Variants in UPF2 observed in about 807,000 individuals in gnomAD.
UPF2 encodes UPF2 regulator of nonsense mediated mRNA decay, also known as regulator of nonsense transcripts 2.
In UPF2, 17 loss-of-function variants were observed where a neutral mutation model predicts 141.4. That is an observed-to-expected ratio of 0.12 (90% CI 0.08 to 0.18). UPF2 has a LOEUF of 0.18. Among genes scored for constraint, UPF2 ranks in the 10% least tolerant of loss-of-function variants. The pLI, the probability that UPF2 is intolerant of heterozygous loss-of-function variation, is 1.00. For missense variants in UPF2, 1,152 were observed against 1,515.9 expected (o/e 0.76, Z 3.99); for synonymous variants, 540 against 498.0 (o/e 1.08, Z -1.12).
Position 11,921,789 on chromosome 10 carries a change from G to A in UPF2, c.3810-482C>T, listed in dbSNP as rs941773843. ...AACCAGAGCCATTGGAGCAATGGCT[G>A]GAGGAGTGGCTCTGTTCTCTTCTAC... On this transcript the variant is annotated intron_variant, in intron 21 of 21. Coordinates refer to ENST00000357604, the MANE Select transcript of UPF2 (RefSeq NM_015542.4). This position sits in a 1 kb window ranked among gnomAD's most constrained non-coding sequence, Gnocchi z 5.9. Among the ~76,000 whole-genome samples the A allele has an allele frequency of 4.0e-5, 6 of 148,440 alleles. No individual in the cohort carries two copies. Among genetic ancestry groups the A allele is most frequent in the African/African-American group, 1.5e-4 (6 of 40,920 alleles).
At chr10:11,995,502 T>G (rs761472637) in intron 8 of UPF2, among the ~76,000 whole-genome samples, 4 of 152,034 alleles carry the variant, frequency 2.6e-5, no homozygotes, top group African/African-American at 4.8e-5. Flanking sequence ...AAAAAGAGGT[T>G]TGGCTGGCGC....
chr10:11,967,179 CTATT>C (rs377155748), intron 10 of UPF2, among the ~76,000 whole-genome samples, 158 bp downstream of exon 10: 1 of 152,158 alleles, frequency 6.6e-6, no homozygotes, highest in African/African-American at 2.4e-5. Flanking sequence ...TAAGATCTCA[CTATT>C]TGTTTTGTAT....
chr10:12,025,027 C>T (rs1814509652), intron 3 of UPF2, among the ~76,000 whole-genome samples: 1 of 150,394 alleles, frequency 6.6e-6, no homozygotes, highest in African/African-American at 2.4e-5. Flanking sequence ...TGTACCCTTG[C>T]AGAAGGTAGG....
chr10:11,968,241 G>T (rs1322966676), intron 9 of UPF2, among the ~76,000 whole-genome samples: 4 of 152,058 alleles, frequency 2.6e-5, no homozygotes, highest in Non-Finnish European at 5.9e-5. Context: ...AAATTGCTCT[G>T]TATAACACCA....
intron 3 of UPF2, among the ~76,000 whole-genome samples, chr10:12,027,995 C>A (rs753680354): frequency 1.3e-5 from 2 of 152,176 alleles, no homozygotes; most frequent in Non-Finnish European, 2.9e-5. Flanking sequence ...CCTCAGCCCC[C>A]CTCCAAATCC....
intron 19 of UPF2, among the ~76,000 whole-genome samples, chr10:11,934,930 G>C (rs1256979284): frequency 6.6e-6 from 1 of 151,976 alleles, no homozygotes; most frequent in Non-Finnish European, 1.5e-5. Flanking sequence ...TATCACTGCA[G>C]CAACAAGTAG....
rs952124165 is a variant in UPF2 at position 11,959,764 on chromosome 10, A to C, written c.2185-408T>G. Among the ~76,000 whole-genome samples the C allele has an allele frequency of 6.6e-6, 1 of 152,188 alleles. No individual in the cohort carries two copies. Among genetic ancestry groups the C allele is most frequent in the Non-Finnish European group, 1.5e-5 (1 of 68,028 alleles). ...CAGCAAGACCCTGTCTCTTAAAAAA[A>C]ACAAAACAAAAACACACAGAGAGGT... On this transcript the variant is annotated intron_variant, in intron 11 of 21. Coordinates refer to ENST00000357604, the MANE Select transcript of UPF2 (RefSeq NM_015542.4). This position sits in a 1 kb window ranked among gnomAD's most constrained non-coding sequence, Gnocchi z 5.9.
intron 8 of UPF2, among the ~76,000 whole-genome samples, chr10:11,989,251 T>C (rs530529185): frequency 6.6e-6 from 1 of 152,298 alleles, no homozygotes; most frequent in Admixed American, 6.5e-5. Flanking sequence ...CAGAATACTA[T>C]TAACATGAGA....
intron 2 of UPF2, among the ~76,000 whole-genome samples, chr10:12,034,500 A>G (rs906735759): frequency 2.6e-5 from 4 of 151,886 alleles, no homozygotes; most frequent in African/African-American, 9.7e-5. Flanking sequence ...TTTTGTATGA[A>G]AAAAAGTCTT....
In UPF2 at chr10:11,992,541, C is replaced by G. The variant is rs1336250184; in HGVS notation, c.1844+5131G>C. Reference sequence around the variant, plus strand: ...ATCATAAAGTAATAAAATAATAATGCAAACCTTCCTAAAACCAAGAAACAT... The same window carrying G: ...ATCATAAAGTAATAAAATAATAATGGAAACCTTCCTAAAACCAAGAAACAT... On this transcript the variant is annotated intron_variant, in intron 8 of 21. Coordinates refer to ENST00000357604, the MANE Select transcript of UPF2 (RefSeq NM_015542.4). This position sits in a 1 kb window ranked among gnomAD's most constrained non-coding sequence, Gnocchi z 4.1. 6.6e-6 allele frequency among the ~76,000 whole-genome samples: 1 copy of G among 152,006 alleles called. No individual in the cohort carries two copies. Among genetic ancestry groups the G allele is most frequent in the African/African-American group, 2.4e-5 (1 of 41,408 alleles).
rs193011960 is a variant in UPF2 at position 11,931,351 on chromosome 10, T to C, written c.3688+290A>G. Among the ~76,000 whole-genome samples, 69 of 152,336 alleles carry C rather than the reference T, an allele frequency of 4.5e-4. 1 individual carries two copies. Among genetic ancestry groups the C allele is most frequent in the Non-Finnish European group, 2.9e-4 (20 of 68,024 alleles). On this transcript the variant is annotated intron_variant, in intron 20 of 21. Transcript: ENST00000357604. This position sits in a 1 kb window ranked among gnomAD's most constrained non-coding sequence, Gnocchi z 5.9. The stretch of plus-strand genomic sequence containing the variant: ...TCATTAAGCAAGGCATACTGTTTGT[T>C]AAATGAATCTGCACACAACTGGCTG...
chr10:11,996,084 A>G (rs1833859928), intron 8 of UPF2, among the ~76,000 whole-genome samples: 1 of 152,156 alleles, frequency 6.6e-6, no homozygotes, highest in South Asian at 2.1e-4. Flanking sequence ...TGTAAGCTGT[A>G]TGAATACAAG....
intron 1 of UPF2, among the ~76,000 whole-genome samples, chr10:12,036,164 A>G (rs1834622164): frequency 6.6e-6 from 1 of 152,224 alleles, no homozygotes; most frequent in African/African-American, 2.4e-5. Flanking sequence ...GGGTTTCTAA[A>G]GTTCAGCACC....
intron 4 of UPF2, among the ~76,000 whole-genome samples, chr10:12,006,272 G>T (rs1259669140): frequency 6.6e-6 from 1 of 152,170 alleles, no homozygotes; most frequent in Non-Finnish European, 1.5e-5. Context: ...TTAGAGAATG[G>T]AAAGTATGTA....
In UPF2 at chr10:12,000,129, A is replaced by G. The variant is rs187499188; in HGVS notation, c.1655-120T>C. 283 of 762,924 alleles carry G rather than the reference A, an allele frequency of 3.7e-4. 4 individuals carry two copies. In the Admixed American group the frequency reaches 8.0e-3, roughly 22 times the overall value. The allele number at this position is 762,924 out of a possible 1,614,324, so 47.3% of individuals were successfully genotyped here. ...GACCAATTTTTGTGCCCAGGAAAAC[A>G]TTAGTCATTTTTTAGAATATTATCC... On this transcript the variant is annotated intron_variant, in intron 6 of 21. Coordinates refer to ENST00000357604, the MANE Select transcript of UPF2 (RefSeq NM_015542.4).
chr10:11,922,097 C>T (rs1054018080), intron 21 of UPF2, among the ~76,000 whole-genome samples: 1 of 152,072 alleles, frequency 6.6e-6, no homozygotes, highest in Non-Finnish European at 1.5e-5. Context: ...TGAGGTATGA[C>T]AAGGTATGGA....
At chr10:11,985,964 A>T (rs971588095) in intron 8 of UPF2, among the ~76,000 whole-genome samples, 8 of 131,444 alleles carry the variant, frequency 6.1e-5, no homozygotes, top group African/African-American at 2.1e-4. Context: ...CACTCACTGT[A>T]AGCTCCGCCT....
chr10:12,021,776 C>T (rs889625921), intron 3 of UPF2, among the ~76,000 whole-genome samples: 5 of 151,922 alleles, frequency 3.3e-5, no homozygotes, highest in African/African-American at 1.2e-4. Context: ...TGAAGAAGAC[C>T]CCAGAAAAAC....
intron 19 of UPF2, among the ~76,000 whole-genome samples, chr10:11,932,133 A>G (rs978939710): frequency 1.3e-5 from 2 of 151,728 alleles, no homozygotes; most frequent in South Asian, 2.1e-4. Flanking sequence ...TGGGCAAAAG[A>G]GCAAGACTCC....
Sources: gnomAD v4.1 joint callset for allele counts (sites outside exome capture counted in the v4.1 genomes callset) on GRCh38, gnomAD v4.1.1 for gene constraint, Gnocchi (gnomAD v3.1) non-coding constraint, MANE v1.5 for transcripts, NCBI Gene and HGNC (gene_info 2026-07-23, HGNC 2026-07-21) for gene names.